MCTP1: variants seen among roughly 807,000 people sequenced by gnomAD.
MCTP1 encodes multiple C2 and transmembrane domain-containing protein 1.
A neutral mutation model predicts 120.6 loss-of-function variants in MCTP1; 69 were observed. The observed-to-expected ratio is 0.57, with a 90% CI of 0.47 to 0.70. The LOEUF is 0.70. Among genes scored for constraint, MCTP1 ranks in the 30% least tolerant of loss-of-function variants. The pLI is 0.00. For synonymous variants in MCTP1, 529 were observed against 493.1 expected (o/e 1.07, Z -0.96); for missense variants, 1,203 against 1,248.8 (o/e 0.96, Z 0.55).
At chr5:95,075,615 A>T (rs1057112784) in intron 1 of MCTP1, among the ~76,000 whole-genome samples, 1 of 152,196 alleles carries the variant, frequency 6.6e-6, no homozygotes, top group Non-Finnish European at 1.5e-5. Flanking sequence ...ATAAAAAAAC[A>T]CCTAGATGGA....
intron 17 of MCTP1, among the ~76,000 whole-genome samples, chr5:94,815,325 A>T (rs1784297530): frequency 6.6e-6 from 1 of 152,206 alleles, no homozygotes; most frequent in Non-Finnish European, 1.5e-5. Flanking sequence ...TAGCTAAGTT[A>T]TATAATATCA....
chr5:95,280,861 G>A (rs181416197), intron 1 of MCTP1, among the ~76,000 whole-genome samples: 11 of 152,158 alleles, frequency 7.2e-5, no homozygotes, highest in South Asian at 4.2e-4. Flanking sequence ...TTCCCCAGCC[G>A]TCCAAACTGA....
chr5:95,058,658 T>TGGAAGAGGTATGGATAAA (rs147642749), intron 1 of MCTP1, among the ~76,000 whole-genome samples: 7,318 of 152,166 alleles, frequency 0.048, 260 homozygotes, highest in African/African-American at 0.094. Flanking sequence ...AAAAAATAAA[T>TGGAAGAGGTATGGATAAA]GGAAGAGGTA....
chr5:95,214,030 A>C (rs1220718937), intron 1 of MCTP1, among the ~76,000 whole-genome samples: 1 of 152,254 alleles, frequency 6.6e-6, no homozygotes, highest in African/African-American at 2.4e-5. Context: ...TAATTAAACT[A>C]AAGAGCTTCT....
At chr5:95,074,241 T>C (rs1217518538) in intron 1 of MCTP1, among the ~76,000 whole-genome samples, 5 of 152,382 alleles carry the variant, frequency 3.3e-5, no homozygotes, top group East Asian at 1.9e-4. Flanking sequence ...TGCTATACCA[T>C]GCAGTTGAAG....
At chr5:94,895,697 G>T (rs1803811034) in intron 10 of MCTP1, among the ~76,000 whole-genome samples, 1 of 152,096 alleles carries the variant, frequency 6.6e-6, no homozygotes, top group Non-Finnish European at 1.5e-5. Flanking sequence ...CACTCTATTT[G>T]GTATTTATGG....
At position 94,912,968 on chromosome 5, in the gene MCTP1, G is replaced by C. The variant is rs753162450; in HGVS notation, c.1359C>G (p.Thr453=). 6.3e-6 allele frequency: 10 copies of C among 1,584,260 alleles called. No individual in the cohort carries two copies. In the African/African-American group the frequency reaches 1.4e-4, roughly 22 times the overall value. The part of the protein sequence containing the change: ...NPYCKNVQFQ[T]QSLRLSDLHR... ...GTAGGTCTGATAGGCGTAAACTTTGGGTCTGAAACTTTTGGCAAATGAAAA... is the reference window on the plus strand; with the variant it reads ...GTAGGTCTGATAGGCGTAAACTTTGCGTCTGAAACTTTTGGCAAATGAAAA... The change falls in exon 9 of 23, where the codon ACC becomes ACG. Residue 453 remains threonine, a synonymous_variant. Coordinates refer to ENST00000515393, the MANE Select transcript of MCTP1 (RefSeq NM_024717.7).
chr5:94,821,095 C>T (rs1426607756), intron 17 of MCTP1, among the ~76,000 whole-genome samples: 3 of 152,168 alleles, frequency 2.0e-5, no homozygotes, highest in South Asian at 2.1e-4. Context: ...CAAATTTCAT[C>T]GTCTGTATAT....
At chr5:94,907,719 TCA>T (rs769819957) in intron 10 of MCTP1, among the ~76,000 whole-genome samples, 1 of 151,962 alleles carries the variant, frequency 6.6e-6, no homozygotes, top group Non-Finnish European at 1.5e-5. Context: ...TGAGAAATTT[TCA>T]CAGTTTTTAA....
At chr5:94,982,061 T>C (rs1399890949) in intron 2 of MCTP1, among the ~76,000 whole-genome samples, 1 of 152,174 alleles carries the variant, frequency 6.6e-6, no homozygotes, top group African/African-American at 2.4e-5. Flanking sequence ...AAAGGGCAAG[T>C]ACATTGTTTT....
chr5:94,980,501 A>G (rs1049577620), intron 2 of MCTP1, among the ~76,000 whole-genome samples: 1 of 152,194 alleles, frequency 6.6e-6, no homozygotes, highest in Non-Finnish European at 1.5e-5. Flanking sequence ...TTGAAATTCA[A>G]TATTTGTTGA....
chr5:95,083,700 T>C (rs370884055), intron 1 of MCTP1, among the ~76,000 whole-genome samples: 1 of 152,138 alleles, frequency 6.6e-6, no homozygotes, highest in Admixed American at 6.5e-5. Flanking sequence ...CAAAGCCAAA[T>C]ACGTGAAAGG....
At chr5:94,929,695 A>G (rs566496671) in intron 6 of MCTP1, 2 of 985,012 alleles carry the variant, frequency 2.0e-6, no homozygotes, top group Admixed American at 6.1e-5. Context: ...AATGTAGCAG[A>G]GTGTGTGAAG....
intron 1 of MCTP1, among the ~76,000 whole-genome samples, chr5:95,037,363 T>C (rs932854340): frequency 1.3e-5 from 2 of 152,194 alleles, no homozygotes; most frequent in Non-Finnish European, 2.9e-5. Flanking sequence ...AAAAGTAGGA[T>C]GCAAAACTGC....
intron 2 of MCTP1, among the ~76,000 whole-genome samples, chr5:95,015,122 TG>T (rs1277949189): frequency 6.6e-6 from 1 of 152,164 alleles, no homozygotes; most frequent in Non-Finnish European, 1.5e-5. Flanking sequence ...GACTACAGTA[TG>T]GTATATATTA....
chr5:95,238,448 A>G (rs1472888632), intron 1 of MCTP1, among the ~76,000 whole-genome samples: 3 of 152,160 alleles, frequency 2.0e-5, no homozygotes, highest in Non-Finnish European at 4.4e-5. Context: ...ATGGGGGCTA[A>G]CACTGTTTCC....
intron 1 of MCTP1, among the ~76,000 whole-genome samples, chr5:95,259,683 C>T (rs1367311831): frequency 6.6e-6 from 1 of 152,152 alleles, no homozygotes; most frequent in Admixed American, 6.5e-5. Context: ...TGGGGAGATG[C>T]ACTTAGAGGT....
chr5:94,988,311 C>CT (rs5869663), intron 2 of MCTP1, among the ~76,000 whole-genome samples: 5,554 of 150,940 alleles, frequency 0.037, 191 homozygotes, highest in East Asian at 0.096. Flanking sequence ...GATATTTAGG[C>CT]TTTTTTTTTT....
At chr5:95,028,620 A>AAATCCGCC (rs1209347434) in intron 1 of MCTP1, among the ~76,000 whole-genome samples, 5 of 152,198 alleles carry the variant, frequency 3.3e-5, no homozygotes, top group Non-Finnish European at 7.3e-5. Context: ...CACATACAGT[A>AAATCCGCC]TATAAAATAA....
Sources: allele counts gnomAD v4.1 joint callset (sites outside exome capture counted in the v4.1 genomes callset), GRCh38; gene constraint gnomAD v4.1.1; transcripts MANE v1.5; gene names NCBI Gene and HGNC (gene_info 2026-07-23, HGNC 2026-07-21).